RIPOR2: variants seen among roughly 807,000 people sequenced by gnomAD.
RIPOR2 encodes the protein RHO family interacting cell polarization regulator 2.
In RIPOR2, 39 loss-of-function variants were observed where a neutral mutation model predicts 114.5. The ratio of observed to expected loss-of-function variants is 0.34; its 90% CI spans 0.26 to 0.44. The LOEUF (loss-of-function observed/expected upper bound fraction) is 0.44. RIPOR2 is among the 20% of genes least tolerant of loss of function. The pLI is 1.00. For synonymous variants in RIPOR2, 445 were observed against 484.4 expected (o/e 0.92, Z 1.07); for missense variants, 1,007 against 1,255.1 (o/e 0.80, Z 2.99).
chr6:24,965,048 A>G (rs572276696), intron 1 of RIPOR2, among the ~76,000 whole-genome samples: 4 of 152,082 alleles, frequency 2.6e-5, no homozygotes, highest in African/African-American at 7.2e-5. Flanking sequence ...TTGCTCTGTC[A>G]TCTTTTATTT....
intron 1 of RIPOR2, among the ~76,000 whole-genome samples, chr6:24,884,637 C>A (rs1766650720): frequency 6.6e-6 from 1 of 152,284 alleles, no homozygotes; most frequent in Non-Finnish European, 1.5e-5. Flanking sequence ...TCTAACTGGC[C>A]TTTTGGGCAA....
chr6:24,999,773 G>C (rs1318576205), intron 1 of RIPOR2, among the ~76,000 whole-genome samples: 1 of 152,002 alleles, frequency 6.6e-6, no homozygotes, highest in Non-Finnish European at 1.5e-5. Context: ...AGCCTGGATG[G>C]TCTTGATCTC....
At chr6:24,982,118 GA>G (rs1302855065) in intron 1 of RIPOR2, among the ~76,000 whole-genome samples, 2 of 152,286 alleles carry the variant, frequency 1.3e-5, no homozygotes, top group African/African-American at 4.8e-5. Flanking sequence ...TAACTTCTAA[GA>G]GATCTCTTTT....
chr6:24,976,279 G>GCA (rs1774037703), intron 1 of RIPOR2: 1 of 644,036 alleles, frequency 1.6e-6, no homozygotes, highest in Admixed American at 3.0e-5. Context: ...ATATTAGAAC[G>GCA]TATATATGCC....
intron 1 of RIPOR2, among the ~76,000 whole-genome samples, chr6:24,941,597 T>C (rs1772136960): frequency 6.6e-6 from 1 of 152,212 alleles, no homozygotes; most frequent in South Asian, 2.1e-4. Flanking sequence ...CATTGTGCTA[T>C]CAATGCAAAC....
At chr6:24,856,635 A>G (rs1414706244) in intron 8 of RIPOR2, among the ~76,000 whole-genome samples, 1 of 152,150 alleles carries the variant, frequency 6.6e-6, no homozygotes, top group Non-Finnish European at 1.5e-5. Flanking sequence ...GGCATCTGTA[A>G]TCCCAGCTAC....
chr6:24,935,035 T>C (rs1248216172), intron 1 of RIPOR2, among the ~76,000 whole-genome samples: 2 of 152,056 alleles, frequency 1.3e-5, no homozygotes, highest in East Asian at 3.9e-4. Context: ...AGGCCGGGCA[T>C]GGTAGCTCAC....
chr6:24,937,302 AATGT>A (rs1453635298), upstream of RIPOR2, among the ~76,000 whole-genome samples: 1 of 152,092 alleles, frequency 6.6e-6, no homozygotes, highest in East Asian at 1.9e-4. Context: ...ACTGGTATTT[AATGT>A]CTTAGCACTC....
At chr6:25,038,629 A>T (rs959536315) in intron 1 of RIPOR2, among the ~76,000 whole-genome samples, 1 of 152,200 alleles carries the variant, frequency 6.6e-6, no homozygotes, top group African/African-American at 2.4e-5. Context: ...CAAGGAACTA[A>T]ATTCTGCCCA....
At chr6:25,031,722 T>C (rs1445821880) in intron 1 of RIPOR2, among the ~76,000 whole-genome samples, 1 of 103,106 alleles carries the variant, frequency 9.7e-6, no homozygotes, top group Non-Finnish European at 1.9e-5. Flanking sequence ...TATATATATA[T>C]ATATATATAT....
intron 1 of RIPOR2, among the ~76,000 whole-genome samples, chr6:24,882,900 C>G (rs1044486387): frequency 1.3e-5 from 2 of 152,042 alleles, no homozygotes; most frequent in Non-Finnish European, 2.9e-5. Flanking sequence ...CTAATGAGTC[C>G]GCATTACATG....
intron 1 of RIPOR2, among the ~76,000 whole-genome samples, chr6:24,900,950 G>A (rs1304103293): frequency 1.3e-5 from 2 of 152,102 alleles, no homozygotes; most frequent in African/African-American, 2.4e-5. Context: ...GAGTAGCTGG[G>A]ACTACAGGCA....
At chr6:24,941,577 T>C (rs903623348) in intron 1 of RIPOR2, among the ~76,000 whole-genome samples, 2 of 152,202 alleles carry the variant, frequency 1.3e-5, no homozygotes, top group African/African-American at 4.8e-5. Flanking sequence ...AAATACAATC[T>C]ATATTAATAC....
chr6:24,856,731 G>A (rs1763510565), intron 8 of RIPOR2, among the ~76,000 whole-genome samples: 1 of 152,102 alleles, frequency 6.6e-6, no homozygotes, highest in Admixed American at 6.6e-5. Context: ...CTGCAGCCTG[G>A]GTGACACAGC....
intron 1 of RIPOR2, chr6:24,910,786 G>A (rs1217411574): frequency 1.0e-6 from 1 of 984,620 alleles, no homozygotes; most frequent in South Asian, 4.7e-5. Flanking sequence ...AAAATCAGAA[G>A]CAAAAAAGGA....
intron 1 of RIPOR2, among the ~76,000 whole-genome samples, chr6:24,922,429 A>ATC (rs1435475798): frequency 1.3e-5 from 2 of 152,210 alleles, no homozygotes; most frequent in Non-Finnish European, 2.9e-5. Context: ...AACCACTTCT[A>ATC]TCTTTTGTGG....
At chr6:24,962,257 C>T (rs1459216082) in intron 1 of RIPOR2, among the ~76,000 whole-genome samples, 2 of 152,176 alleles carry the variant, frequency 1.3e-5, no homozygotes, top group Non-Finnish European at 2.9e-5. Flanking sequence ...TGCTTTGCTG[C>T]TTGAACAAGT....
chr6:24,807,328 C>T (rs4397218), intron 21 of RIPOR2, among the ~76,000 whole-genome samples: 113,338 of 151,990 alleles, frequency 0.75, 44,405 homozygotes, highest in East Asian at 0.88. Context: ...AAAGAGTTAG[C>T]TGGGTGTGGT....
At chr6:25,031,767 A>T (rs1287851281) in intron 1 of RIPOR2, among the ~76,000 whole-genome samples, 2 of 126,688 alleles carry the variant, frequency 1.6e-5, no homozygotes, top group African/African-American at 6.0e-5. Context: ...TCCATAGAAT[A>T]TATATATATT....
Sources: allele counts gnomAD v4.1 joint callset (sites outside exome capture counted in the v4.1 genomes callset), GRCh38; gene constraint gnomAD v4.1.1; transcripts MANE v1.5; gene names NCBI Gene and HGNC (gene_info 2026-07-23, HGNC 2026-07-21).